The following BCAS1 variants were observed in gnomAD, a reference collection of about 807,000 sequenced individuals.
The protein encoded by BCAS1 is breast carcinoma-amplified sequence 1.
A neutral mutation model predicts 65.4 loss-of-function variants in BCAS1; 46 were observed. The ratio of observed to expected loss-of-function variants is 0.70; its 90% CI spans 0.55 to 0.90. The LOEUF (loss-of-function observed/expected upper bound fraction) is 0.90. Ranked by LOEUF, BCAS1 falls within the 40% of genes least tolerant of loss-of-function variation. BCAS1 has a pLI of 0.00. For missense variants in BCAS1, 793 were observed against 771.2 expected, an observed-to-expected ratio of 1.03 and a Z score of -0.33; for synonymous variants, 298 against 293.5, an observed-to-expected ratio of 1.02 and a Z score of -0.16.
chr20:53,946,287 G>C (rs1189437302), intron 12 of BCAS1, among the ~76,000 whole-genome samples: 1 of 151,652 alleles, frequency 6.6e-6, no homozygotes, highest in Non-Finnish European at 1.5e-5. Flanking sequence ...CGCAGACCCT[G>C]GCAAGCACCG....
At chr20:54,069,989 A>C (rs1269609934) in intron 1 of BCAS1, among the ~76,000 whole-genome samples, 2 of 152,184 alleles carry the variant, frequency 1.3e-5, no homozygotes, top group Non-Finnish European at 2.9e-5. Flanking sequence ...GCACTCCACA[A>C]GTCCTTTTTC....
Position 54,028,922 on chromosome 20 carries a change from CG to C in BCAS1, c.192del (p.Glu65ArgfsTer5), listed in dbSNP as rs1568896602. The C allele has an allele frequency of 1.9e-6, 3 of 1,613,898 alleles. No individual in the cohort carries two copies. Among genetic ancestry groups the C allele is most frequent in the Non-Finnish European group, 2.5e-6 (3 of 1,179,968 alleles). ...GCAACAGCACTTATCTCCGTTGTCT[CG>C]GGGGAAGAAGTGGCCACATTATCCG... ...VKTDNVATSSPETTEISAVAD... is the reference protein window; with the variant it reads ...VKTDNVATSSXETTEISAVAD... On this transcript the variant is annotated frameshift_variant, in exon 4 of 13. Transcript: ENST00000688948. LOFTEE classifies it high-confidence loss of function.
intron 4 of BCAS1, among the ~76,000 whole-genome samples, chr20:54,018,193 A>C (rs2091479793): frequency 6.6e-6 from 1 of 152,078 alleles, no homozygotes; most frequent in African/African-American, 2.4e-5. Context: ...TTTCTATCTC[A>C]AAACTCTGTT....
intron 10 of BCAS1, among the ~76,000 whole-genome samples, chr20:53,957,747 A>T (rs1258654833): frequency 6.6e-6 from 1 of 152,238 alleles, no homozygotes; most frequent in East Asian, 1.9e-4. Context: ...GAATTAGGCA[A>T]TTCTGAGATA....
intron 4 of BCAS1, among the ~76,000 whole-genome samples, chr20:54,005,520 C>A (rs1299125791): frequency 6.6e-6 from 1 of 152,108 alleles, no homozygotes; most frequent in African/African-American, 2.4e-5. Context: ...AAGTTAATTT[C>A]ATCAGCCCAG....
At chr20:54,006,153 C>T (rs2091182908) in intron 4 of BCAS1, among the ~76,000 whole-genome samples, 1 of 152,102 alleles carries the variant, frequency 6.6e-6, no homozygotes, top group South Asian at 2.1e-4. Context: ...CCACCTATTC[C>T]CTGAAGAGAA....
Position 53,975,663 on chromosome 20 carries a change from A to T in BCAS1, c.1276-233T>A, listed in dbSNP as rs6123334. 0.031 allele frequency among the ~76,000 whole-genome samples: 4,727 copies of T among 152,174 alleles called. 353 individuals carry two copies. The East Asian group carries it at 0.32, about 10-fold the overall frequency. ...CAACAAAGAGAAAATTAAAACACAG[A>T]TGCAGCCAGGATACAAATGGAGCAA... On this transcript the variant is annotated intron_variant, in intron 8 of 12. Coordinates refer to ENST00000688948, the MANE Select transcript of BCAS1 (RefSeq NM_001366298.2).
intron 1 of BCAS1, among the ~76,000 whole-genome samples, chr20:54,063,812 A>G (rs2092404055): frequency 6.6e-6 from 1 of 151,764 alleles, no homozygotes; most frequent in Non-Finnish European, 1.5e-5. Context: ...CTCAAAAAGG[A>G]GAAAAATAAA....
chr20:54,019,699 GGT>G (rs1331850818), intron 4 of BCAS1, among the ~76,000 whole-genome samples: 2 of 152,184 alleles, frequency 1.3e-5, no homozygotes, highest in African/African-American at 4.8e-5. Flanking sequence ...GGTGGAAGAA[GGT>G]GGGATAAGCT....
chr20:54,055,843 AAT>A (rs1460228861), intron 3 of BCAS1, among the ~76,000 whole-genome samples: 1 of 152,210 alleles, frequency 6.6e-6, no homozygotes, highest in Non-Finnish European at 1.5e-5. Context: ...CACACAACAG[AAT>A]AGTTATTCAA....
rs1323089951 is a variant in BCAS1 at position 53,953,567 on chromosome 20, G to T, written c.1680C>A (p.Asn560Lys). 1 of 1,613,822 alleles carries T rather than the reference G, an allele frequency of 6.2e-7. No homozygotes were observed. Among genetic ancestry groups the T allele is most frequent in the Admixed American group, 1.7e-5 (1 of 59,974 alleles). The change falls in exon 12 of 13, where the codon AAC becomes AAA. Residue 560 changes from asparagine to lysine, a missense_variant. Coordinates refer to ENST00000688948, the MANE Select transcript of BCAS1 (RefSeq NM_001366298.2). Reference sequence around the variant, plus strand: ...GGGCTGGTTCTTTGGCTTCCTGCTTGTTGCTCTTCTGCTTGTTCATCTCGG... The same window carrying T: ...GGGCTGGTTCTTTGGCTTCCTGCTTTTTGCTCTTCTGCTTGTTCATCTCGG... ...SAAEMNKQKS[N>K]KQEAKEPAQC...
At chr20:54,065,554 C>T (rs578137759) in intron 1 of BCAS1, among the ~76,000 whole-genome samples, 1 of 152,312 alleles carries the variant, frequency 6.6e-6, no homozygotes, top group African/African-American at 2.4e-5. Flanking sequence ...CTTCCCCCAG[C>T]GAAGAATTGT....
At chr20:54,019,773 G>A (rs976989607) in intron 4 of BCAS1, among the ~76,000 whole-genome samples, 1 of 152,186 alleles carries the variant, frequency 6.6e-6, no homozygotes, top group African/African-American at 2.4e-5. Context: ...GCTCTTGGAC[G>A]TTAGACTCCA....
rs201873994 is a variant in BCAS1 at position 54,028,443 on chromosome 20, C to T, written c.672G>A (p.Val224=). 2 of 1,614,216 alleles carry T rather than the reference C, an allele frequency of 1.2e-6. No homozygotes were observed. The highest frequency in any genetic ancestry group is 1.7e-6 in the Non-Finnish European group (2 of 1,180,024). The change falls in exon 4 of 13, where the codon GTG becomes GTA. Residue 224 remains valine, a synonymous_variant. Coordinates refer to ENST00000688948, the MANE Select transcript of BCAS1 (RefSeq NM_001366298.2). The part of the protein sequence containing the change: ...EAKRAEHQDK[V]DEVPGLSGQS... ...GCCCTGATAAGCCAGGAACCTCATC[C>T]ACCTTGTCTTGATGCTCTGCCCTCT...
At chr20:53,963,914 G>A (rs967906411) in intron 10 of BCAS1, among the ~76,000 whole-genome samples, 8 of 152,352 alleles carry the variant, frequency 5.3e-5, no homozygotes, top group African/African-American at 1.4e-4. Flanking sequence ...ACAGGCTTGC[G>A]AAGCAGCTGA....
At chr20:53,983,086 C>T (rs1263838977) in intron 8 of BCAS1, among the ~76,000 whole-genome samples, 1 of 152,142 alleles carries the variant, frequency 6.6e-6, no homozygotes, top group Non-Finnish European at 1.5e-5. Flanking sequence ...AGATGAATGT[C>T]AAGTTGTCCT....
intron 10 of BCAS1, 87 bp from the exon 11 acceptor site, chr20:53,957,584 C>G: frequency 8.0e-7 from 1 of 1,254,228 alleles, no homozygotes; most frequent in Non-Finnish European, 1.2e-6. Context: ...TGATCTCAGT[C>G]ATTTATCATT....
chr20:54,039,144 C>T (rs2091948072), intron 3 of BCAS1, among the ~76,000 whole-genome samples: 1 of 151,418 alleles, frequency 6.6e-6, no homozygotes, highest in African/African-American at 2.4e-5. Flanking sequence ...CTGCGGCTTT[C>T]TATGTTGTGC....
At position 53,944,960 on chromosome 20, in the gene BCAS1, C is replaced by G; in HGVS notation, c.1852G>C (p.Asp618His). The G allele has an allele frequency of 6.2e-7, 1 of 1,614,104 alleles. No individual in the cohort carries two copies. Among genetic ancestry groups the G allele is most frequent in the African/African-American group, 1.3e-5 (1 of 75,016 alleles). ...CCAACTGGTCCGATGGATACTGGGT[C>G]TGTTTGCACTTGAGCATCCAACATC... The part of the protein sequence containing the change: ...KRMLDAQVQT[D>H]PVSIGPVGKS... Residue 618 changes from aspartate to histidine, a missense_variant, in exon 13 of 13, where the codon GAC (aspartate) becomes CAC (histidine). Coordinates refer to ENST00000688948, the MANE Select transcript of BCAS1 (RefSeq NM_001366298.2).
Sources: allele counts gnomAD v4.1 joint callset (sites outside exome capture counted in the v4.1 genomes callset), GRCh38; gene constraint gnomAD v4.1.1; transcripts MANE v1.5; gene names NCBI Gene and HGNC (gene_info 2026-07-23, HGNC 2026-07-21).